Variants in ZNF510 observed in about 807,000 individuals in gnomAD.
ZNF510 encodes zinc finger protein 510.
ZNF510 carries 15 observed loss-of-function variants against 18.1 expected under a neutral mutation model. That is an observed-to-expected ratio of 0.83 (90% CI 0.55 to 1.28). The LOEUF (loss-of-function observed/expected upper bound fraction) is 1.28. ZNF510 is among the 50% of genes most tolerant of loss of function. The probability of loss-of-function intolerance (pLI) is 0.00; values close to 1 mark genes in which losing one functional copy is unlikely to be tolerated. For missense variants in ZNF510, 724 were observed against 791.8 expected, an observed-to-expected ratio of 0.91 and a Z score of 1.03; for synonymous variants, 261 against 266.4, an observed-to-expected ratio of 0.98 and a Z score of 0.20.
rs1024874063 is a variant in ZNF510 at position 96,755,188 on chromosome 9, C to A, written c.*3590G>T. Among the ~76,000 whole-genome samples, 1 of 152,216 alleles carries A rather than the reference C, an allele frequency of 6.6e-6. No homozygotes were observed. The highest frequency in any genetic ancestry group is 1.5e-5 in the Non-Finnish European group (1 of 68,046). On this transcript the variant is annotated 3_prime_UTR_variant, in exon 6 of 6. Transcript: ENST00000223428. ...AGGCCACCTCGGTGAATCAGTTCCA[C>A]CCTACAGGGTTCCTGATCCTTAATA... is the stretch of plus-strand genomic sequence containing the variant.
rs1311220432 is a variant in ZNF510 at position 96,758,877 on chromosome 9, A to G, written c.1953T>C (p.Ser651=). 3 of 1,614,096 alleles carry G rather than the reference A, an allele frequency of 1.9e-6. No homozygotes were observed. In the Admixed American group the frequency reaches 5.0e-5, roughly 27 times the overall value. Residue 651 remains serine (S), a synonymous_variant, in exon 6 of 6, where the codon AGT becomes AGC. Transcript: ENST00000223428. ...CATTGCATTCATAAGATTTCTCCCC[A>G]CTGTGAGTCCTTTGATGTATTCTGA... is the stretch of plus-strand genomic sequence containing the variant. ...SNLRIHQRTH[S]GEKSYECNEY...
chr9:96,768,543 T>C (rs1588130474), intron 3 of ZNF510, among the ~76,000 whole-genome samples: 1 of 152,310 alleles, frequency 6.6e-6, no homozygotes, highest in African/African-American at 2.4e-5. Flanking sequence ...AAGAATCATT[T>C]ATCTCTCTAA....
At position 96,759,297 on chromosome 9, in the gene ZNF510, T is replaced by A; in HGVS notation, c.1533A>T (p.Thr511=). The A allele has an allele frequency of 1.2e-6, 2 of 1,614,088 alleles. No homozygotes were observed. The highest frequency in any genetic ancestry group is 1.7e-6 in the Non-Finnish European group (2 of 1,179,978). ...GATTGCATTGAAAGGATTTCTCCCC[T>A]GTGTGAATTCTGTGATGATCTCTGA... The part of the protein sequence containing the change: ...STLRDHHRIH[T]GEKSFQCNQC... Residue 511 remains threonine (T), a synonymous_variant, in exon 6 of 6, where the codon ACA becomes ACT. Transcript: ENST00000223428.
At chr9:96,765,913 ATGTT>A (rs1849459625) in intron 3 of ZNF510, among the ~76,000 whole-genome samples, 1 of 152,136 alleles carries the variant, frequency 6.6e-6, no homozygotes. Context: ...GAAAATATCT[ATGTT>A]AGATAAGATT....
chr9:96,759,745 T>C lies in ZNF510; in HGVS notation c.1085A>G (p.Asn362Ser), dbSNP rs1245088364. 1 of 1,613,898 alleles carries C rather than the reference T, an allele frequency of 6.2e-7. No individual in the cohort carries two copies. The highest frequency in any genetic ancestry group is 1.3e-5 in the African/African-American group (1 of 74,922). Residue 362 changes from asparagine to serine, a missense_variant, in exon 6 of 6, where the codon AAC becomes AGC. By Grantham distance (46) the Asn-to-Ser change is conservative. Coordinates refer to ENST00000223428, the MANE Select transcript of ZNF510 (RefSeq NM_014930.3). ...TGTTCTGTCATTACTTACCAATGGG[T>C]TCTCTTCTATGACAGCTGTTTGAGG... is the stretch of plus-strand genomic sequence containing the variant. Reference protein sequence around the residue: ...TDPQTAVIEENPLVSNDRTQT... With the variant: ...TDPQTAVIEESPLVSNDRTQT...
Position 96,759,779 on chromosome 9 carries a change from G to A in ZNF510, c.1051C>T (p.Leu351Phe). The A allele has an allele frequency of 6.2e-7, 1 of 1,614,016 alleles. No homozygotes were observed. Among genetic ancestry groups the A allele is most frequent in the African/African-American group, 1.3e-5 (1 of 75,038 alleles). ...SGNNFNRKAH[L>F]TDPQTAVIEE... ...ATGACAGCTGTTTGAGGATCAGTGA[G>A]GTGTGCCTTTCTGTTGAAATTATTT... The change falls in exon 6 of 6, where the codon CTC (leucine) becomes TTC (phenylalanine). Residue 351 changes from leucine to phenylalanine, a missense_variant. Physicochemically the swap from Leu to Phe is conservative, Grantham distance 22 (BLOSUM62 0). Coordinates refer to ENST00000223428, the MANE Select transcript of ZNF510 (RefSeq NM_014930.3).
chr9:96,771,432 TA>T (rs199560208), intron 3 of ZNF510, among the ~76,000 whole-genome samples: 4,069 of 141,616 alleles, frequency 0.029, 183 homozygotes, highest in East Asian at 0.24. Context: ...CATGCATGAT[TA>T]AAAAAAAAAA....
rs761411495 is a variant in ZNF510, at chr9:96,758,997, C to A, written c.1833G>T (p.Arg611=). The change falls in exon 6 of 6, where the codon CGG becomes CGT. Residue 611 remains arginine, a synonymous_variant. Transcript: ENST00000223428. ...TCTGATGATCACTAAGGATTGCTTT[C>A]CGGACAAATTTCTTCCCACATTCAT... ...KCNECGKKFV[R]KAILSDHQRI... is the part of the protein sequence containing the mutation. 6.2e-7 allele frequency: 1 copy of A among 1,613,836 alleles called. No homozygotes were observed. The highest frequency in any genetic ancestry group is 1.1e-5 in the South Asian group (1 of 91,068).
Position 96,755,509 on chromosome 9 carries a change from C to T in ZNF510, c.*3269G>A, listed in dbSNP as rs1424013312. 6.6e-6 allele frequency among the ~76,000 whole-genome samples: 1 copy of T among 152,152 alleles called. No homozygotes were observed. Among genetic ancestry groups the T allele is most frequent in the East Asian group, 1.9e-4 (1 of 5,188 alleles). ...TCAATGCATTTTCTTGGTAAGGCTG[C>T]TGGCAGTTCTACAGTTACAATGTAA... On this transcript the variant is annotated 3_prime_UTR_variant, in exon 6 of 6. Transcript: ENST00000223428.
In ZNF510 at chr9:96,759,989, A is replaced by C. The variant is rs752899565; in HGVS notation, c.841T>G (p.Ser281Ala). The change falls in exon 6 of 6, where the codon TCC becomes GCC. Residue 281 changes from serine (S) to alanine (A), a missense_variant. Ser to Ala is a moderately conservative substitution (Grantham distance 99). Transcript: ENST00000223428. Reference protein sequence around the residue: ...KHNSSHTGETSSKDDEFRKNC... With the variant: ...KHNSSHTGETASKDDEFRKNC... ...TTCCTAAATTCATCATCTTTAGAGG[A>C]TGTTTCTCCTGTGTGAGAACTGTTA... is the stretch of plus-strand genomic sequence containing the variant. 6 of 1,613,026 alleles carry C rather than the reference A, an allele frequency of 3.7e-6. No homozygotes were observed. The highest frequency in any genetic ancestry group is 5.1e-6 in the Non-Finnish European group (6 of 1,179,868).
rs1849230122 is a variant in ZNF510, at chr9:96,757,738, G to A, written c.*1040C>T. On this transcript the variant is annotated 3_prime_UTR_variant, in exon 6 of 6. Transcript: ENST00000223428. ...CATGCCTATGATAGTTTAATCTCTT[G>A]CTGTGCCTAATTTATAAATTAAGGA... The A allele has an allele frequency of 6.6e-6, 1 of 152,014 alleles. No individual in the cohort carries two copies. The highest frequency in any genetic ancestry group is 2.4e-5 in the African/African-American group (1 of 41,346). 9.4% of individuals were successfully genotyped at this position (152,014 alleles called of 1,614,324 possible).
rs1849278408 is a variant in ZNF510, at chr9:96,759,340, A to G, written c.1490T>C (p.Phe497Ser). The change falls in exon 6 of 6, where the codon TTT becomes TCT. Residue 497 changes from phenylalanine to serine, a missense_variant. Coordinates refer to ENST00000223428, the MANE Select transcript of ZNF510 (RefSeq NM_014930.3). The part of the protein sequence containing the change: ...PYECSECGKT[F>S]VQKSTLRDHH... The stretch of plus-strand genomic sequence containing the variant: ...ATCTCTGAGGGTGGACTTCTGAACA[A>G]AAGTTTTCCCACATTCACTACATTC... 1.2e-6 allele frequency: 2 copies of G among 1,614,010 alleles called. No individual in the cohort carries two copies. The highest frequency in any genetic ancestry group is 8.5e-7 in the Non-Finnish European group (1 of 1,180,018).
intron 3 of ZNF510, among the ~76,000 whole-genome samples, chr9:96,769,290 A>G (rs761010307): frequency 7.2e-5 from 11 of 151,848 alleles, no homozygotes; most frequent in Non-Finnish European, 1.5e-4. Flanking sequence ...TATAAAAATT[A>G]CCCGGGCATT....
At chr9:96,774,527 T>G (rs1449483531) in intron 3 of ZNF510, among the ~76,000 whole-genome samples, 1 of 151,866 alleles carries the variant, frequency 6.6e-6, no homozygotes, top group Non-Finnish European at 1.5e-5. Flanking sequence ...TTCTCATCAA[T>G]GCAAATCTGT....
In ZNF510 at chr9:96,771,431, T is replaced by TAAA. The variant is rs1564441028; in HGVS notation, c.129+3356_129+3357insTTT. On this transcript the variant is annotated intron_variant, in intron 3 of 5. Transcript: ENST00000223428. ...CATCTGACAAAATACTCATGCATGA[T>TAAA]TAAAAAAAAAAAAACTCAGGAAACT... Among the ~76,000 whole-genome samples, 989 of 146,972 alleles carry TAAA rather than the reference T, an allele frequency of 6.7e-3. 15 individuals are homozygous for TAAA. Among genetic ancestry groups the TAAA allele is most frequent in the African/African-American group, 0.024 (939 of 39,808 alleles).
At chr9:96,777,726 C>G (rs1828077280) in intron 1 of ZNF510, 1 of 152,194 alleles carries the variant, frequency 6.6e-6, no homozygotes, top group Admixed American at 6.5e-5. Context: ...GTGGCAGGTT[C>G]ATGGTCAATA....
At chr9:96,776,683 G>C (rs1414559916) in intron 1 of ZNF510, among the ~76,000 whole-genome samples, 1 of 152,198 alleles carries the variant, frequency 6.6e-6, no homozygotes, top group East Asian at 1.9e-4. Context: ...AAGCTGGGAG[G>C]CTGGGGCAGG....
intron 3 of ZNF510, among the ~76,000 whole-genome samples, chr9:96,770,310 C>T (rs966170950): frequency 6.6e-6 from 1 of 151,964 alleles, no homozygotes; most frequent in African/African-American, 2.4e-5. Flanking sequence ...TCACAAAGGG[C>T]CAGGTGTGGC....
intron 3 of ZNF510, 59 bp downstream of exon 3, chr9:96,774,729 T>A: frequency 7.1e-7 from 1 of 1,403,034 alleles, no homozygotes; most frequent in Middle Eastern, 2.4e-4. Flanking sequence ...CATATTAATA[T>A]GTGGACCCTT....
Sources: allele counts gnomAD v4.1 joint callset (sites outside exome capture counted in the v4.1 genomes callset), GRCh38; gene constraint gnomAD v4.1.1; transcripts MANE v1.5; gene names NCBI Gene and HGNC (gene_info 2026-07-23, HGNC 2026-07-21).